The following HIVEP3 variants were observed in gnomAD, a reference collection of about 807,000 sequenced individuals.
The protein encoded by HIVEP3 is transcription factor HIVEP3.
Under a neutral mutation model 152.8 loss-of-function variants are expected in HIVEP3, and 49 were observed. The observed-to-expected ratio is 0.32, with a 90% CI of 0.26 to 0.41. The LOEUF is 0.41. Ranked by LOEUF, HIVEP3 falls within the 10% of genes least tolerant of loss-of-function variation. The pLI, the probability that HIVEP3 is intolerant of heterozygous loss-of-function variation, is 1.00. For missense variants in HIVEP3, 2,790 were observed against 3,103.3 expected, an observed-to-expected ratio of 0.90 and a Z score of 2.40; for synonymous variants, 1,269 against 1,289.0, an observed-to-expected ratio of 0.98 and a Z score of 0.33.
intron 1 of HIVEP3, among the ~76,000 whole-genome samples, chr1:41,866,907 G>A (rs72963255): frequency 0.012 from 1,825 of 152,360 alleles, 27 homozygotes; most frequent in African/African-American, 0.041. Flanking sequence ...AACCTTGACT[G>A]TGTCTTAAGG....
chr1:41,977,491 G>C (rs528546538), intron 1 of HIVEP3, among the ~76,000 whole-genome samples: 2 of 152,286 alleles, frequency 1.3e-5, no homozygotes, highest in South Asian at 4.1e-4. Context: ...GAGGGAGCAG[G>C]TGCAGGCAGA....
chr1:41,624,936 T>C (rs1414352391), intron 3 of HIVEP3, among the ~76,000 whole-genome samples: 2 of 151,952 alleles, frequency 1.3e-5, no homozygotes, highest in Non-Finnish European at 2.9e-5. Flanking sequence ...GAGGCCGAGG[T>C]GGATGGATCA....
intron 1 of HIVEP3, among the ~76,000 whole-genome samples, chr1:41,775,280 A>C (rs1648624207): frequency 6.6e-6 from 1 of 152,218 alleles, no homozygotes; most frequent in African/African-American, 2.4e-5. Context: ...TTGTGGAAGA[A>C]GACATTTCTG....
intron 1 of HIVEP3, among the ~76,000 whole-genome samples, chr1:41,965,137 G>A (rs564321764): frequency 1.3e-5 from 2 of 152,342 alleles, no homozygotes; most frequent in Admixed American, 6.5e-5. Context: ...AGGGTCTAGA[G>A]TGGACCCCCA....
At chr1:41,651,480 G>T (rs1233109176) in intron 2 of HIVEP3, among the ~76,000 whole-genome samples, 1 of 151,506 alleles carries the variant, frequency 6.6e-6, no homozygotes, top group Non-Finnish European at 1.5e-5. Flanking sequence ...GTGTGCCAAG[G>T]ACTATGTGAT....
chr1:41,722,403 G>GCCTTCCTT (rs374319014), intron 1 of HIVEP3, among the ~76,000 whole-genome samples: 16,319 of 112,744 alleles, frequency 0.14, 1,458 homozygotes, highest in African/African-American at 0.18. Context: ...AATTTGGCTG[G>GCCTTCCTT]CCTTCCTTCC....
At chr1:42,032,850 T>C (rs546537174) in intron 1 of HIVEP3, among the ~76,000 whole-genome samples, 21 of 152,178 alleles carry the variant, frequency 1.4e-4, no homozygotes, top group Non-Finnish European at 1.9e-4. Flanking sequence ...GGATTTGGCC[T>C]TTCTCCTCTA....
intron 5 of HIVEP3, among the ~76,000 whole-genome samples, chr1:41,536,765 C>A (rs71652193): frequency 0.029 from 4,431 of 152,264 alleles, 99 homozygotes; most frequent in Middle Eastern, 0.068. Flanking sequence ...ATTTTAAATG[C>A]TTTACATGCA....
chr1:41,593,391 C>A (rs1644617000), intron 3 of HIVEP3, among the ~76,000 whole-genome samples: 1 of 152,132 alleles, frequency 6.6e-6, no homozygotes, highest in South Asian at 2.1e-4. Flanking sequence ...GCACTGTATT[C>A]CATTTTTGGC....
At chr1:41,814,641 T>C (rs906631467) in intron 1 of HIVEP3, among the ~76,000 whole-genome samples, 1 of 152,240 alleles carries the variant, frequency 6.6e-6, no homozygotes, top group African/African-American at 2.4e-5. Flanking sequence ...TCCCACAGCA[T>C]GCTAATCTTG....
intron 1 of HIVEP3, among the ~76,000 whole-genome samples, chr1:41,837,187 C>T (rs1476085171): frequency 1.3e-5 from 2 of 152,204 alleles, no homozygotes; most frequent in South Asian, 2.1e-4. Context: ...ATACTCTTCC[C>T]GACACATCTG....
chr1:41,617,681 G>A (rs1377040113), intron 3 of HIVEP3, among the ~76,000 whole-genome samples: 1 of 152,220 alleles, frequency 6.6e-6, no homozygotes, highest in Admixed American at 6.5e-5. Flanking sequence ...CATGATGCAC[G>A]GGAGAGAACC....
intron 2 of HIVEP3, among the ~76,000 whole-genome samples, chr1:41,651,411 C>CAAAAAAAAAAAAAAAAAAAAAAACAAA (rs35508121): frequency 1.1e-5 from 1 of 89,068 alleles, no homozygotes. Flanking sequence ...AACTCCATCT[C>CAAAAAAAAAAAAAAAAAAAAAAACAAA]AAAAAAAAAA....
intron 5 of HIVEP3, among the ~76,000 whole-genome samples, chr1:41,554,197 T>C (rs1643930947): frequency 6.6e-6 from 1 of 152,210 alleles, no homozygotes; most frequent in Admixed American, 6.5e-5. Context: ...TGTTCATTTC[T>C]TTTTACTCTT....
intron 3 of HIVEP3, among the ~76,000 whole-genome samples, chr1:41,598,480 G>A (rs963869390): frequency 1.3e-5 from 2 of 152,228 alleles, no homozygotes; most frequent in Non-Finnish European, 2.9e-5. Flanking sequence ...CATACAGAGT[G>A]TAGTCCAACA....
chr1:41,901,661 A>G (rs567345139), intron 1 of HIVEP3, among the ~76,000 whole-genome samples: 1 of 152,320 alleles, frequency 6.6e-6, no homozygotes, highest in African/African-American at 2.4e-5. Context: ...GGACAATGTC[A>G]CTGGCATTTA....
At chr1:41,872,506 A>G (rs142416029) in intron 1 of HIVEP3, among the ~76,000 whole-genome samples, 27 of 152,224 alleles carry the variant, frequency 1.8e-4, no homozygotes, top group African/African-American at 6.5e-4. Flanking sequence ...CTCAGGCCAT[A>G]TGCAGTTTGC....
rs559269801 is a variant in HIVEP3, at chr1:41,958,476, A to T, written n.120-39952T>A. ...AGTACAGTCAGATCCAGCAAGTCAT[A>T]AGGTCAAGAAGGCCCAGCAACAATC... is the stretch of plus-strand genomic sequence containing the variant. On this transcript the variant is annotated intron_variant and non_coding_transcript_variant, in intron 1 of 3. Transcript: ENST00000489103. Among the ~76,000 whole-genome samples, 4 of 152,354 alleles carry T rather than the reference A, an allele frequency of 2.6e-5. No homozygotes were observed. In the South Asian group the frequency reaches 8.3e-4, roughly 32 times the overall value.
In HIVEP3 at chr1:41,581,010, G is replaced by T; in HGVS notation, c.3788C>A (p.Thr1263Asn). The change falls in exon 4 of 9, where the codon ACC (threonine) becomes AAC (asparagine). Residue 1263 changes from threonine to asparagine, a missense_variant. This residue lies in a region of HIVEP3 where 1,078 missense variants were observed against 1,165.3 expected (regional missense o/e 0.93). Transcript: ENST00000372583. This position sits in a 1 kb window ranked among gnomAD's most constrained non-coding sequence, Gnocchi z 4.5. ...DVESHLPQIK[T>N]SLAPLATGSA... is the part of the protein sequence containing the mutation. ...TCCTGTTGCCAGTGGGGCCAGGCTGGTTTTGATCTGGGGCAGATGGCTTTC... is the reference window on the plus strand; with the variant it reads ...TCCTGTTGCCAGTGGGGCCAGGCTGTTTTTGATCTGGGGCAGATGGCTTTC... 1 of 1,566,946 alleles carries T rather than the reference G, an allele frequency of 6.4e-7. No individual in the cohort carries two copies. Among genetic ancestry groups the T allele is most frequent in the South Asian group, 1.2e-5 (1 of 82,804 alleles).
Sources: gnomAD v4.1 joint callset for allele counts (sites outside exome capture counted in the v4.1 genomes callset) on GRCh38, gnomAD v4.1.1 for gene constraint, gnomAD v4.1.1 regional missense constraint, Gnocchi (gnomAD v3.1) non-coding constraint, MANE v1.5 for transcripts, NCBI Gene and HGNC (gene_info 2026-07-23, HGNC 2026-07-21) for gene names.